The following FAS variants were observed in gnomAD, a reference collection of about 807,000 sequenced individuals.
The protein encoded by FAS is tumor necrosis factor receptor superfamily member 6.
In FAS, 5 loss-of-function variants were observed where a neutral mutation model predicts 33.2. The observed-to-expected ratio is 0.15, with a 90% CI of 0.08 to 0.32. The LOEUF (loss-of-function observed/expected upper bound fraction) is 0.32, where lower values mean the gene tolerates loss of function less well. FAS is among the 10% of genes least tolerant of loss of function. FAS has a pLI of 1.00. For missense variants in FAS, 339 were observed against 386.0 expected (o/e 0.88, Z 1.02); for synonymous variants, 131 against 130.7 (o/e 1.00, Z -0.01).
chr10:88,993,953 A>C (rs1847423535), intron 1 of FAS, among the ~76,000 whole-genome samples: 1 of 152,254 alleles, frequency 6.6e-6, no homozygotes, highest in South Asian at 2.1e-4. Flanking sequence ...GCAAGCAAAA[A>C]TTAAATTGAT....
Position 89,014,432 on chromosome 10 carries a change from A to G in FAS, c.990A>G (p.Glu330=). Residue 330 remains glutamate (E), a synonymous_variant, in exon 9 of 9, where the codon GAA becomes GAG. Coordinates refer to ENST00000652046, the MANE Select transcript of FAS (RefSeq NM_000043.6). The part of the protein sequence containing the change: ...SDSENSNFRN[E]IQSLV The stretch of plus-strand genomic sequence containing the variant: ...CAGAAAATTCAAACTTCAGAAATGA[A>G]ATCCAAAGCTTGGTCTAGAGTGAAA... 1.2e-6 allele frequency: 2 copies of G among 1,610,678 alleles called. No homozygotes were observed. Among genetic ancestry groups the G allele is most frequent in the Non-Finnish European group, 1.7e-6 (2 of 1,179,884 alleles).
rs563375038 is a variant in FAS, at chr10:88,967,337, T to G, written n.95-5845T>G. On this transcript the variant is annotated intron_variant and non_coding_transcript_variant, in intron 1 of 3. Coordinates refer to the FAS transcript ENST00000688239. ...ACTCTGGAGGTAGGTTGGATTCATA[T>G]CCCAGTTTTCAACAATTTATTTTGA... Among the ~76,000 whole-genome samples the G allele has an allele frequency of 2.6e-5, 4 of 152,284 alleles. No homozygotes were observed. In the South Asian group the frequency reaches 8.3e-4, roughly 32 times the overall value.
intron 2 of FAS, chr10:88,973,403 T>G: frequency 3.0e-6 from 4 of 1,335,096 alleles, no homozygotes; most frequent in Non-Finnish European, 3.9e-6. Flanking sequence ...GAGTTCCCGA[T>G]GAAAACAACT....
upstream of FAS, among the ~76,000 whole-genome samples, chr10:88,983,308 C>T (rs1375846490): frequency 6.6e-6 from 1 of 151,850 alleles, no homozygotes; most frequent in Non-Finnish European, 1.5e-5. Context: ...CAATATGACC[C>T]GGAATTTAAG....
intron 2 of FAS, 91 bp from the exon 3 acceptor site, chr10:89,007,609 A>G: frequency 2.7e-6 from 4 of 1,493,052 alleles, no homozygotes; most frequent in African/African-American, 1.4e-5. Flanking sequence ...GTGTTTTAGA[A>G]GAGTTTTATT....
chr10:89,007,700 G>C lies in FAS; in HGVS notation c.197G>C (p.Gly66Ala), dbSNP rs2133502104. Residue 66 changes from glycine (G) to alanine (A), a missense_variant and splice_region_variant, in exon 3 of 9, where the codon GGT (glycine) becomes GCT (alanine). By Grantham distance (60) the Gly-to-Ala change is moderately conservative. Transcript: ENST00000652046. ...GQFCHKPCPP[G>A]ERKARDCTVN... ...ACTTGCTCCTTTTTTCCTTGGGCAG[G>C]TGAAAGGAAAGCTAGGGACTGCACA... is the stretch of plus-strand genomic sequence containing the variant. 1 of 1,613,238 alleles carries C rather than the reference G, an allele frequency of 6.2e-7. No individual in the cohort carries two copies. The highest frequency in any genetic ancestry group is 8.5e-7 in the Non-Finnish European group (1 of 1,179,812).
chr10:89,005,134 G>C (rs9658742), intron 2 of FAS, among the ~76,000 whole-genome samples: 77,185 of 146,556 alleles, frequency 0.53, 20,183 homozygotes, highest in South Asian at 0.58. Context: ...GCCATTCATA[G>C]AGATTATTGG....
At chr10:89,002,946 C>T in intron 1 of FAS, 83 bp from the exon 2 acceptor site, 1 of 1,505,718 alleles carries the variant, frequency 6.6e-7, no homozygotes, top group South Asian at 1.2e-5. Flanking sequence ...GCAGATACTG[C>T]CAATTTTGGG....
At chr10:88,967,501 T>C (rs1846340426) in intron 1 of FAS, among the ~76,000 whole-genome samples, 1 of 152,186 alleles carries the variant, frequency 6.6e-6, no homozygotes, top group African/African-American at 2.4e-5. Context: ...TGACTTTCAA[T>C]ATTCTATTCC....
In FAS at chr10:89,015,218, G is replaced by C. The variant is rs1237389947; in HGVS notation, c.*768G>C. The C allele has an allele frequency of 1.5e-5, 8 of 534,674 alleles. No homozygotes were observed. The highest frequency in any genetic ancestry group is 2.5e-5 in the Non-Finnish European group (7 of 276,660). The allele number at this position is 534,674 out of a possible 1,614,324, so 33.1% of individuals were successfully genotyped here. ...TTGCCACCTCTCCATTTTTGCCTTG[G>C]TGCTCATCTTAATGGCCTAATGCAC... is the stretch of plus-strand genomic sequence containing the variant. On this transcript the variant is annotated 3_prime_UTR_variant, in exon 9 of 9. Transcript: ENST00000652046.
At chr10:88,988,981 G>A (rs190348402), upstream of FAS, among the ~76,000 whole-genome samples, 43 of 152,336 alleles carry the variant, frequency 2.8e-4, no homozygotes, top group Non-Finnish European at 5.4e-4. Flanking sequence ...TACGTGGGCA[G>A]AGGGTAGGGG....
At chr10:89,007,670 C>A in intron 2 of FAS, 30 bp from the exon 3 acceptor site, 1 of 1,608,584 alleles carries the variant, frequency 6.2e-7, no homozygotes, top group Non-Finnish European at 8.5e-7. Context: ...GTGTCCTGTT[C>A]AAACACTTGC....
At chr10:89,006,319 T>C (rs1848227034) in intron 2 of FAS, among the ~76,000 whole-genome samples, 1 of 152,220 alleles carries the variant, frequency 6.6e-6, no homozygotes, top group African/African-American at 2.4e-5. Context: ...TCTGGGAATC[T>C]CCAGTTTGTT....
intron 2 of FAS, among the ~76,000 whole-genome samples, chr10:89,006,156 AT>A (rs1848217456): frequency 6.6e-6 from 1 of 152,262 alleles, no homozygotes; most frequent in South Asian, 2.1e-4. Context: ...TGCTAGGCAC[AT>A]TCTGTAAGAT....
rs1332965338 is a variant in FAS, at chr10:88,979,384, AAG to A, written n.260+6043_260+6044del. Among the ~76,000 whole-genome samples the A allele has an allele frequency of 2.0e-5, 3 of 152,196 alleles. No individual in the cohort carries two copies. The East Asian group carries it at 5.8e-4, about 29-fold the overall frequency. ...ACAGACCAGATTCCTGCTGACTTCA[AAG>A]AGAGACGTTCACAAGGAGAAGATGC... On this transcript the variant is annotated intron_variant and non_coding_transcript_variant, in intron 2 of 3. Coordinates refer to the FAS transcript ENST00000688239.
intron 2 of FAS, among the ~76,000 whole-genome samples, chr10:88,976,645 T>C (rs557054962): frequency 7.5e-4 from 114 of 152,352 alleles, no homozygotes; most frequent in African/African-American, 2.6e-3. Context: ...TTCAATGATA[T>C]TGTGTTATTT....
At chr10:88,975,966 C>A (rs1398848013) in intron 2 of FAS, among the ~76,000 whole-genome samples, 3 of 152,136 alleles carry the variant, frequency 2.0e-5, no homozygotes, top group African/African-American at 7.2e-5. Flanking sequence ...TTAATTGTCA[C>A]CAAAATCTGA....
chr10:88,984,248 A>G (rs1846806092), upstream of FAS, among the ~76,000 whole-genome samples: 1 of 152,230 alleles, frequency 6.6e-6, no homozygotes, highest in South Asian at 2.1e-4. Flanking sequence ...AGTAGGAGCC[A>G]GTGCTGGAAG....
chr10:88,982,170 CT>C (rs1846727280), upstream of FAS, among the ~76,000 whole-genome samples: 1 of 152,204 alleles, frequency 6.6e-6, no homozygotes, highest in South Asian at 2.1e-4. Flanking sequence ...TCCTCAAGTG[CT>C]TGGGCCCATG....
Sources: allele counts gnomAD v4.1 joint callset (sites outside exome capture counted in the v4.1 genomes callset), GRCh38; gene constraint gnomAD v4.1.1; transcripts MANE v1.5; gene names NCBI Gene and HGNC (gene_info 2026-07-23, HGNC 2026-07-21).